Variants in DGKG observed in about 807,000 individuals in gnomAD.
The protein encoded by DGKG is DAG kinase gamma.
Under a neutral mutation model 105.3 loss-of-function variants are expected in DGKG, and 78 were observed. The ratio of observed to expected loss-of-function variants is 0.74; its 90% CI spans 0.62 to 0.89. The LOEUF is 0.89. DGKG is among the 40% of genes least tolerant of loss of function. The pLI is 0.00. For synonymous variants in DGKG, 346 were observed against 367.1 expected, an observed-to-expected ratio of 0.94 and a Z score of 0.66; for missense variants, 958 against 1,020.1, an observed-to-expected ratio of 0.94 and a Z score of 0.83.
chr3:186,263,604 A>AGC (rs1288766415), intron 14 of DGKG, among the ~76,000 whole-genome samples: 12 of 152,088 alleles, frequency 7.9e-5, no homozygotes, highest in African/African-American at 2.7e-4. Context: ...CAAGCAAGCA[A>AGC]ACAAACGCAC....
chr3:186,334,084 T>C (rs1474169432), intron 1 of DGKG, among the ~76,000 whole-genome samples: 1 of 152,156 alleles, frequency 6.6e-6, no homozygotes, highest in Non-Finnish European at 1.5e-5. Flanking sequence ...CTCCTTTCCT[T>C]TTCCTCATCC....
chr3:186,254,005 T>C (rs1721344819), intron 17 of DGKG, among the ~76,000 whole-genome samples: 1 of 152,198 alleles, frequency 6.6e-6, no homozygotes, highest in Non-Finnish European at 1.5e-5. Context: ...GATTCCTAAT[T>C]ATTCCTCTTC....
chr3:186,293,964 G>T (rs1195471876), intron 5 of DGKG, among the ~76,000 whole-genome samples: 1 of 152,090 alleles, frequency 6.6e-6, no homozygotes, highest in Non-Finnish European at 1.5e-5. Context: ...GTCAAAAGAA[G>T]ATAAAAAAAT....
chr3:186,170,183 T>C (rs759865352), intron 22 of DGKG, among the ~76,000 whole-genome samples: 90 of 152,206 alleles, frequency 5.9e-4, no homozygotes, highest in Admixed American at 2.5e-3. Flanking sequence ...GGTTGCACCC[T>C]ATACCAATTA....
At chr3:186,213,261 C>T (rs1430729698) in intron 20 of DGKG, among the ~76,000 whole-genome samples, 1 of 152,230 alleles carries the variant, frequency 6.6e-6, no homozygotes, top group East Asian at 1.9e-4. Context: ...GCTTCTCAAC[C>T]CATGTGCTGT....
chr3:186,353,590 T>C (rs13096037), intron 1 of DGKG, among the ~76,000 whole-genome samples: 1,953 of 108,596 alleles, frequency 0.018, 39 homozygotes, highest in Admixed American at 0.042. Context: ...TATATATATA[T>C]ACACACACAC....
chr3:186,241,319 G>A (rs1209622702), intron 20 of DGKG, among the ~76,000 whole-genome samples: 4 of 147,728 alleles, frequency 2.7e-5, no homozygotes, highest in South Asian at 2.1e-4. Flanking sequence ...TTGGGAGGCC[G>A]AGGAGGACGG....
chr3:186,150,339 A>G (rs1015646229), intron 24 of DGKG, 151 bp from the exon 25 acceptor site: 70 of 1,014,358 alleles, frequency 6.9e-5, no homozygotes, highest in Non-Finnish European at 9.1e-5. Flanking sequence ...AAAATTGGCA[A>G]CTTGACCCTG....
intron 2 of DGKG, among the ~76,000 whole-genome samples, chr3:186,314,199 A>G (rs1020806991): frequency 4.0e-4 from 60 of 151,486 alleles, no homozygotes; most frequent in African/African-American, 1.4e-3. Flanking sequence ...ACACACACAC[A>G]CACACACACA....
chr3:186,178,329 G>C (rs759679), intron 22 of DGKG, among the ~76,000 whole-genome samples: 113,899 of 152,084 alleles, frequency 0.75, 43,013 homozygotes, highest in East Asian at 0.93. Context: ...GTGGGATGGA[G>C]CTTAGGTGGT....
At chr3:186,281,094 A>C in intron 7 of DGKG, 1 of 194,096 alleles carries the variant, frequency 5.2e-6, no homozygotes, top group Non-Finnish European at 1.1e-5. Context: ...ATACTTACAA[A>C]TCAAGGCAGA....
intron 19 of DGKG, among the ~76,000 whole-genome samples, chr3:186,247,930 T>G (rs1408694609): frequency 6.6e-6 from 1 of 152,202 alleles, no homozygotes; most frequent in African/African-American, 2.4e-5. Flanking sequence ...ATGTGTTTCC[T>G]TGGGGACAAT....
chr3:186,216,640 C>A (rs1438310810), intron 20 of DGKG, among the ~76,000 whole-genome samples: 1 of 152,156 alleles, frequency 6.6e-6, no homozygotes, highest in Non-Finnish European at 1.5e-5. Context: ...CCACCACCAC[C>A]ACCCATTTCC....
intron 17 of DGKG, 53 bp from the exon 18 acceptor site, chr3:186,253,235 T>C: frequency 2.1e-6 from 3 of 1,449,466 alleles, no homozygotes; most frequent in Non-Finnish European, 2.9e-6. Flanking sequence ...CTGTAGAATG[T>C]TTGAGTTGTC....
At chr3:186,323,897 A>G (rs910818184) in intron 1 of DGKG, among the ~76,000 whole-genome samples, 25 of 144,704 alleles carry the variant, frequency 1.7e-4, no homozygotes, top group African/African-American at 5.9e-4. Flanking sequence ...AGATTGCGCC[A>G]CTGCACTCCA....
chr3:186,347,409 G>A (rs1266847642), intron 1 of DGKG, among the ~76,000 whole-genome samples: 8 of 133,148 alleles, frequency 6.0e-5, no homozygotes, highest in African/African-American at 2.0e-4. Context: ...GACCACAGCC[G>A]CTGCACTCCA....
At chr3:186,242,020 C>T (rs1720710513) in intron 20 of DGKG, among the ~76,000 whole-genome samples, 1 of 152,114 alleles carries the variant, frequency 6.6e-6, no homozygotes, top group South Asian at 2.1e-4. Flanking sequence ...TCGGGGGAGG[C>T]AAAGGAGACA....
intron 21 of DGKG, among the ~76,000 whole-genome samples, chr3:186,198,668 G>A (rs1371714782): frequency 6.6e-6 from 1 of 152,222 alleles, no homozygotes; most frequent in East Asian, 1.9e-4. Context: ...ATCACCAAAA[G>A]GCAAGTTGGG....
chr3:186,324,712 A>T (rs929249116), intron 1 of DGKG, among the ~76,000 whole-genome samples: 2 of 152,248 alleles, frequency 1.3e-5, no homozygotes, highest in Admixed American at 6.5e-5. Context: ...GGCTTTGGAG[A>T]AAAGGGAATG....
Sources: allele counts gnomAD v4.1 joint callset (sites outside exome capture counted in the v4.1 genomes callset), GRCh38; gene constraint gnomAD v4.1.1; transcripts MANE v1.5; gene names NCBI Gene and HGNC (gene_info 2026-07-23, HGNC 2026-07-21).